TUBD1: variants seen among roughly 807,000 people sequenced by gnomAD.
TUBD1 encodes tubulin delta chain.
Under a neutral mutation model 51.2 loss-of-function variants are expected in TUBD1, and 38 were observed. That is an observed-to-expected ratio of 0.74 (90% confidence interval 0.57 to 0.97). The LOEUF (loss-of-function observed/expected upper bound fraction) is 0.97. Among genes scored for constraint, TUBD1 ranks in the 50% least tolerant of loss-of-function variants. TUBD1 has a pLI of 0.00. For missense variants in TUBD1, 489 were observed against 538.4 expected (o/e 0.91, Z 0.91); for synonymous variants, 169 against 178.2 (o/e 0.95, Z 0.41).
chr17:59,875,223 C>T (rs992862914), intron 5 of TUBD1, among the ~76,000 whole-genome samples: 1 of 151,052 alleles, frequency 6.6e-6, no homozygotes, highest in Non-Finnish European at 1.5e-5. Flanking sequence ...ACTACAGGCA[C>T]GTACCACCAA....
chr17:59,883,728 T>C (rs982271689), intron 3 of TUBD1, among the ~76,000 whole-genome samples: 1 of 151,772 alleles, frequency 6.6e-6, no homozygotes, highest in African/African-American at 2.4e-5. Flanking sequence ...TTTTTAAAAT[T>C]TTTTCGTAGC....
chr17:59,862,551 T>A (rs2039501222), intron 8 of TUBD1, among the ~76,000 whole-genome samples: 1 of 151,566 alleles, frequency 6.6e-6, no homozygotes, highest in Non-Finnish European at 1.5e-5. Context: ...AATTTAATTT[T>A]TTTTTGAGAT....
intron 1 of TUBD1, among the ~76,000 whole-genome samples, chr17:59,892,374 T>TC (rs1376955880): frequency 3.9e-5 from 6 of 152,150 alleles, no homozygotes; most frequent in African/African-American, 1.2e-4. Context: ...AGACCCTGTC[T>TC]CCATTTGAAA....
At chr17:59,864,912 A>G (rs973887856) in intron 7 of TUBD1, among the ~76,000 whole-genome samples, 1 of 151,996 alleles carries the variant, frequency 6.6e-6, no homozygotes, top group African/African-American at 2.4e-5. Flanking sequence ...GGAGTACAGT[A>G]GCACCACCAT....
chr17:59,860,539 A>G (rs544053878), intron 8 of TUBD1, 115 bp from the exon 9 acceptor site: 64 of 664,234 alleles, frequency 9.6e-5, no homozygotes, highest in Middle Eastern at 8.8e-4. Context: ...AGATCACACA[A>G]TCGTTCAGAA....
At chr17:59,861,196 T>A (rs987480221) in intron 8 of TUBD1, among the ~76,000 whole-genome samples, 57 of 39,836 alleles carry the variant, frequency 1.4e-3, no homozygotes, top group African/African-American at 6.4e-3. Context: ...CCCCACAAAA[T>A]TTTTTTTTTT....
intron 3 of TUBD1, chr17:59,885,085 TG>T: frequency 2.8e-6 from 1 of 355,914 alleles, no homozygotes; most frequent in Non-Finnish European, 5.4e-6. Flanking sequence ...GTGGTGCCGC[TG>T]GGCGCAAGGA....
chr17:59,885,787 A>G (rs2040693845), intron 3 of TUBD1, among the ~76,000 whole-genome samples: 1 of 152,190 alleles, frequency 6.6e-6, no homozygotes, highest in Admixed American at 6.6e-5. Flanking sequence ...AGTATTCTCT[A>G]TCATTGAGAT....
Position 59,878,090 on chromosome 17 carries a change from G to A in TUBD1, c.769+13C>T. ...AAGGCTTTCCTATAATTAACGTATA[G>A]AGGGACAAATACCTAGTGGATTTCG... On this transcript the variant is annotated intron_variant, in intron 5 of 8. Transcript: ENST00000325752. The A allele has an allele frequency of 1.2e-6, 2 of 1,600,216 alleles. No individual in the cohort carries two copies. The highest frequency in any genetic ancestry group is 1.3e-5 in the African/African-American group (1 of 74,752).
rs2041175930 is a variant in TUBD1 at position 59,892,681 on chromosome 17, A to G, written c.-40+16T>C. On this transcript the variant is annotated intron_variant, in intron 1 of 8. Coordinates refer to ENST00000325752, the MANE Select transcript of TUBD1 (RefSeq NM_016261.4). ...CCCACGGGCCCCAGGAGTTCTCCACACGTAACCCGACTCACCGCCAGACGC... is the reference window on the plus strand; with the variant it reads ...CCCACGGGCCCCAGGAGTTCTCCACGCGTAACCCGACTCACCGCCAGACGC... The G allele has an allele frequency of 6.4e-6, 1 of 156,680 alleles. No homozygotes were observed. Among genetic ancestry groups the G allele is most frequent in the African/African-American group, 2.4e-5 (1 of 41,452 alleles). The allele number at this position is 156,680 out of a possible 1,614,324, so 9.7% of individuals were successfully genotyped here.
At chr17:59,866,110 C>CAAAAAAAA in intron 7 of TUBD1, among the ~76,000 whole-genome samples, 1 of 76,220 alleles carries the variant, frequency 1.3e-5, no homozygotes, top group Non-Finnish European at 2.9e-5. Context: ...GACCCCGTCT[C>CAAAAAAAA]AAAAAAAAAA....
intron 6 of TUBD1, 38 bp downstream of exon 6, chr17:59,874,501 C>G: frequency 6.3e-7 from 1 of 1,588,716 alleles, no homozygotes; most frequent in Non-Finnish European, 8.5e-7. Context: ...GACATTTTTT[C>G]CAGCTTGTGG....
At chr17:59,874,785 G>T in intron 5 of TUBD1, 82 bp from the exon 6 acceptor site, 1 of 1,160,346 alleles carries the variant, frequency 8.6e-7, no homozygotes, top group Non-Finnish European at 1.2e-6. Context: ...TGATTTGAAG[G>T]TTTTCTGGGC....
chr17:59,892,301 G>A (rs2041134076), intron 1 of TUBD1, among the ~76,000 whole-genome samples: 1 of 152,196 alleles, frequency 6.6e-6, no homozygotes, highest in South Asian at 2.1e-4. Context: ...CAGTACTTTG[G>A]GAGGCCGAGG....
At position 59,860,146 on chromosome 17, in the gene TUBD1, G is replaced by T. The variant is rs2039371763; in HGVS notation, c.*176C>A. The T allele has an allele frequency of 8.5e-6, 4 of 469,136 alleles. No homozygotes were observed. The highest frequency in any genetic ancestry group is 1.5e-5 in the Non-Finnish European group (4 of 265,162). The allele number at this position is 469,136 out of a possible 1,614,324, so 29.1% of individuals were successfully genotyped here. A position where few individuals can be genotyped will look rare whatever the true frequency, so the allele number is the denominator to read the frequency against. ...TTCTCCTGCCTCAGCCTCCCGAGTA[G>T]CTGGGACTACAGGCACCCGCCACCG... On this transcript the variant is annotated 3_prime_UTR_variant, in exon 9 of 9. Coordinates refer to ENST00000325752, the MANE Select transcript of TUBD1 (RefSeq NM_016261.4).
chr17:59,888,244 T>C (rs944892238), intron 2 of TUBD1, among the ~76,000 whole-genome samples: 5 of 152,130 alleles, frequency 3.3e-5, no homozygotes, highest in Non-Finnish European at 4.4e-5. Flanking sequence ...CGATGTCTTT[T>C]TAAACACAGC....
chr17:59,883,618 C>G (rs1185226495), intron 3 of TUBD1, among the ~76,000 whole-genome samples: 3 of 152,084 alleles, frequency 2.0e-5, no homozygotes, highest in Non-Finnish European at 2.9e-5. Context: ...GTTGGCCAGG[C>G]TGGTCTCAAA....
chr17:59,870,607 G>T (rs866982730), intron 6 of TUBD1, among the ~76,000 whole-genome samples: 77 of 151,952 alleles, frequency 5.1e-4, no homozygotes, highest in African/African-American at 1.8e-3. Context: ...ACCAGGTCAC[G>T]AAGTAGCAGC....
intron 7 of TUBD1, among the ~76,000 whole-genome samples, chr17:59,866,110 C>CAAA (rs1191579900): frequency 3.7e-4 from 28 of 76,178 alleles, no homozygotes; most frequent in African/African-American, 4.7e-4. Context: ...GACCCCGTCT[C>CAAA]AAAAAAAAAA....
Sources: allele counts gnomAD v4.1 joint callset (sites outside exome capture counted in the v4.1 genomes callset), GRCh38; gene constraint gnomAD v4.1.1; transcripts MANE v1.5; gene names NCBI Gene and HGNC (gene_info 2026-07-23, HGNC 2026-07-21).